ZNF705G: variants seen among roughly 807,000 people sequenced by gnomAD.
ZNF705G encodes the protein zinc finger protein 705G, also known as putative zinc finger protein 705G.
In ZNF705G, 23 loss-of-function variants were observed where a neutral mutation model predicts 19.6. The observed-to-expected ratio is 1.17, with a 90% CI of 0.84 to 1.66. The LOEUF is 1.66. Among genes scored for constraint, ZNF705G ranks in the 40% most tolerant of loss-of-function variants. The probability of loss-of-function intolerance (pLI) is 0.00; values close to 1 mark genes in which losing one functional copy is unlikely to be tolerated. For missense variants in ZNF705G, 457 were observed against 354.4 expected (o/e 1.29, Z -2.32); for synonymous variants, 146 against 117.7 (o/e 1.24, Z -1.56).
intron 2 of ZNF705G, among the ~76,000 whole-genome samples, chr8:7,380,023 T>C: frequency 7.1e-6 from 1 of 141,742 alleles, no homozygotes; most frequent in East Asian, 2.0e-4. Context: ...TGTAGCTTGG[T>C]CCCCATCACT....
Position 7,356,089 on chromosome 8 carries a change from G to A in ZNF705G, c.*1887C>T. The A allele has an allele frequency of 6.7e-6, 1 of 149,390 alleles. No homozygotes were observed. The allele number at this position is 149,390 out of a possible 1,614,324, so 9.3% of individuals were successfully genotyped here. A position where few individuals can be genotyped will look rare whatever the true frequency, so the allele number is the denominator to read the frequency against. On this transcript the variant is annotated 3_prime_UTR_variant, in exon 7 of 7. Transcript: ENST00000400156. Reference sequence around the variant, plus strand: ...CATTTTCTCTTCAGTTTTAGGTTCAGTGGTGAGGCTCCTTCACGGACAATA... The same window carrying A: ...CATTTTCTCTTCAGTTTTAGGTTCAATGGTGAGGCTCCTTCACGGACAATA...
rs1041981175 is a variant in ZNF705G at position 7,366,860 on chromosome 8, A to G, written c.-71-3843T>C. Among the ~76,000 whole-genome samples, 8 of 149,670 alleles carry G rather than the reference A, an allele frequency of 5.3e-5. 3 individuals are homozygous for G. The South Asian group carries it at 6.3e-4, about 12-fold the overall frequency. ...TTTTCTGTGATGAAAGAAATTCTCT[A>G]TATCTGCATTGTCCAATGCAGTAAC... On this transcript the variant is annotated intron_variant, in intron 2 of 6. Coordinates refer to ENST00000400156, the MANE Select transcript of ZNF705G (RefSeq NM_001164457.3).
rs76245546 is a variant in ZNF705G, at chr8:7,371,261, C to T, written c.-71-8244G>A. 5.0e-5 allele frequency among the ~76,000 whole-genome samples: 4 copies of T among 79,658 alleles called. 1 individual carries two copies. In the South Asian group the frequency reaches 1.4e-3, roughly 28 times the overall value. 52.3% of individuals were successfully genotyped at this position (79,658 alleles called of 152,430 possible). A position where few individuals can be genotyped will look rare whatever the true frequency, so the allele number is the denominator to read the frequency against. On this transcript the variant is annotated intron_variant, in intron 2 of 6. Transcript: ENST00000400156. ...TTCACTTGTATTTGAAATCTAAAAT[C>T]GACAAACTCACAAAAGCAGAGAGTA...
In ZNF705G at chr8:7,375,013, G is replaced by C. The variant is rs1214979424; in HGVS notation, c.-72+6439C>G. On this transcript the variant is annotated intron_variant, in intron 2 of 6. Transcript: ENST00000400156. ...ACATCATAATTTTAAAAAGTCTTTT[G>C]TAATTTCAATTTTTAAAAATAACTT... is the stretch of plus-strand genomic sequence containing the variant. 2.1e-5 allele frequency among the ~76,000 whole-genome samples: 2 copies of C among 94,070 alleles called. 1 individual carries two copies. Among genetic ancestry groups the C allele is most frequent in the Non-Finnish European group, 4.2e-5 (2 of 47,822 alleles). 61.7% of individuals were successfully genotyped at this position (94,070 alleles called of 152,430 possible). A position where few individuals can be genotyped will look rare whatever the true frequency, so the allele number is the denominator to read the frequency against.
intron 3 of ZNF705G, among the ~76,000 whole-genome samples, chr8:7,362,157 G>A (rs1435029026): frequency 6.7e-6 from 1 of 149,418 alleles, no homozygotes; most frequent in Non-Finnish European, 1.5e-5. Context: ...CCCTTATAAA[G>A]CATTTCCACA....
chr8:7,361,246 C>T lies in ZNF705G; in HGVS notation c.13-10G>A. ...CAAAAGTCAGTTTCTTCTAAAACAT[C>T]ACAGACATTTTAGTTTAGACAGAGA... On this transcript the variant is annotated splice_polypyrimidine_tract_variant and intron_variant, in intron 3 of 6. Transcript: ENST00000400156. 6.3e-7 allele frequency: 1 copy of T among 1,592,516 alleles called. No homozygotes were observed. The highest frequency in any genetic ancestry group is 8.5e-7 in the Non-Finnish European group (1 of 1,179,302).
chr8:7,365,666 G>A (rs71241131), intron 2 of ZNF705G, among the ~76,000 whole-genome samples: 4,928 of 148,880 alleles, frequency 0.033, 220 homozygotes, highest in Middle Eastern at 0.093. Context: ...CACCGTGCCC[G>A]GCCCAGATCT....
chr8:7,356,051 A>T lies in ZNF705G; in HGVS notation c.*1925T>A, dbSNP rs554997461. 6.7e-6 allele frequency: 1 copy of T among 149,492 alleles called. No homozygotes were observed. Among genetic ancestry groups the T allele is most frequent in the Non-Finnish European group, 1.5e-5 (1 of 68,034 alleles). The allele number at this position is 149,492 out of a possible 1,614,324, so 9.3% of individuals were successfully genotyped here. A position where few individuals can be genotyped will look rare whatever the true frequency, so the allele number is the denominator to read the frequency against. The stretch of plus-strand genomic sequence containing the variant: ...GGCAAAATTTCAAGTCATCCCACTT[A>T]ATATTCAGGAAACATTTTCTCTTCA... On this transcript the variant is annotated 3_prime_UTR_variant, in exon 7 of 7. Coordinates refer to ENST00000400156, the MANE Select transcript of ZNF705G (RefSeq NM_001164457.3).
At position 7,360,301 on chromosome 8, in the gene ZNF705G, C is replaced by A. The variant is rs771968401; in HGVS notation, c.171G>T (p.Leu57Phe). The A allele has an allele frequency of 1.9e-6, 3 of 1,590,512 alleles. No individual in the cohort carries two copies. The East Asian group carries it at 6.7e-5, about 35-fold the overall frequency. ...ACAGCTCTTTTCCTTGCTCCAGCTG[C>A]AAAATTATATAGGATTTGCTTATCT... ...GYQISKSYIILQLEQGKELWR... is the reference protein window; with the variant it reads ...GYQISKSYIIFQLEQGKELWR... The change falls in exon 5 of 7, where the codon TTG (leucine) becomes TTT (phenylalanine). Residue 57 changes from leucine to phenylalanine, a missense_variant. Coordinates refer to ENST00000400156, the MANE Select transcript of ZNF705G (RefSeq NM_001164457.3).
chr8:7,359,555 A>G lies in ZNF705G; in HGVS notation c.318+64T>C, dbSNP rs1806472362. The G allele has an allele frequency of 1.6e-5, 25 of 1,596,152 alleles. 1 individual carries two copies. Among genetic ancestry groups the G allele is most frequent in the South Asian group, 7.9e-5 (7 of 88,418 alleles). ...TACACTCAGGTGATTGTGCTTCATTACTAACTTAATCCATTAACATGTCTT... is the reference window on the plus strand; with the variant it reads ...TACACTCAGGTGATTGTGCTTCATTGCTAACTTAATCCATTAACATGTCTT... On this transcript the variant is annotated intron_variant, in intron 6 of 6. Coordinates refer to ENST00000400156, the MANE Select transcript of ZNF705G (RefSeq NM_001164457.3).
chr8:7,358,023 A>T lies in ZNF705G; in HGVS notation c.856T>A (p.Cys286Ser). ...IIHTGEKPHA[C>S]LLCGKAFSLS... ...CTGAAGGCCTTCCCACATAGAAGAC[A>T]AGCATGTGGTTTCTCTCCAGTGTGA... Residue 286 changes from cysteine (C) to serine (S), a missense_variant, in exon 7 of 7, where the codon TGT (cysteine) becomes AGT (serine). Transcript: ENST00000400156. 6.2e-7 allele frequency: 1 copy of T among 1,609,040 alleles called. No individual in the cohort carries two copies. Among genetic ancestry groups the T allele is most frequent in the Non-Finnish European group, 8.5e-7 (1 of 1,179,794 alleles).
chr8:7,382,751 G>A (rs1450994805), intron 1 of ZNF705G, among the ~76,000 whole-genome samples: 1 of 146,672 alleles, frequency 6.8e-6, no homozygotes, highest in Admixed American at 6.6e-5. Context: ...AGATCTGAAA[G>A]TGCTACATGA....
In ZNF705G at chr8:7,363,416, G is replaced by A. The variant is rs1490892677; in HGVS notation, c.-71-399C>T. Reference sequence around the variant, plus strand: ...TTTATTATCCTAGCTTTATGCCCTAGCAACGTTTCTCCAACACCCACCACA... The same window carrying A: ...TTTATTATCCTAGCTTTATGCCCTAACAACGTTTCTCCAACACCCACCACA... On this transcript the variant is annotated intron_variant, in intron 2 of 6. Transcript: ENST00000400156. Among the ~76,000 whole-genome samples the A allele has an allele frequency of 8.1e-5, 12 of 148,506 alleles. 1 individual carries two copies. The highest frequency in any genetic ancestry group is 1.3e-4 in the Admixed American group (2 of 15,192).
chr8:7,365,061 T>C (rs1249179949), intron 2 of ZNF705G, among the ~76,000 whole-genome samples: 1 of 149,566 alleles, frequency 6.7e-6, no homozygotes, highest in Non-Finnish European at 1.5e-5. Context: ...ATATACAGAC[T>C]GTGCCAGGGA....
chr8:7,380,822 C>T (rs1270324489), intron 2 of ZNF705G, among the ~76,000 whole-genome samples: 1 of 144,438 alleles, frequency 6.9e-6, no homozygotes, highest in Admixed American at 6.7e-5. Flanking sequence ...GAGTTCAAGA[C>T]CAGCCTGACC....
At chr8:7,364,401 T>C (rs1299093997) in intron 2 of ZNF705G, among the ~76,000 whole-genome samples, 1 of 149,782 alleles carries the variant, frequency 6.7e-6, no homozygotes, top group Non-Finnish European at 1.5e-5. Context: ...AATTGTGACA[T>C]TGTGCTTACA....
rs1037358585 is a variant in ZNF705G at position 7,358,649 on chromosome 8, T to C, written c.319-89A>G. The C allele has an allele frequency of 4.5e-6, 7 of 1,567,358 alleles. 1 individual carries two copies. The African/African-American group carries it at 7.4e-5, about 17-fold the overall frequency. On this transcript the variant is annotated intron_variant, in intron 6 of 6. Transcript: ENST00000400156. ...TACCTTTGAATCCTAGACCAACCAT[T>C]CAGTGGTAGACCCCAGTTGAAAGCT...
intron 6 of ZNF705G, among the ~76,000 whole-genome samples, chr8:7,359,404 T>A (rs1473601492): frequency 1.3e-5 from 2 of 149,758 alleles, no homozygotes; most frequent in African/African-American, 5.1e-5. Context: ...GCATGAGCAA[T>A]GTATATGCAC....
rs139785190 is a variant in ZNF705G, at chr8:7,361,455, T to A, written c.13-219A>T. The stretch of plus-strand genomic sequence containing the variant: ...CATTAAAGTTTACTATAAAGAAATA[T>A]CACATGAGGTGTGGCATAATATAAC... On this transcript the variant is annotated intron_variant, in intron 3 of 6. Coordinates refer to ENST00000400156, the MANE Select transcript of ZNF705G (RefSeq NM_001164457.3). Among the ~76,000 whole-genome samples the A allele has an allele frequency of 2.0e-4, 30 of 149,790 alleles. No individual in the cohort carries two copies. In the East Asian group the frequency reaches 5.8e-3, roughly 29 times the overall value.
Sources: gnomAD v4.1 joint callset for allele counts (sites outside exome capture counted in the v4.1 genomes callset) on GRCh38, gnomAD v4.1.1 for gene constraint, MANE v1.5 for transcripts, NCBI Gene and HGNC (gene_info 2026-07-23, HGNC 2026-07-21) for gene names.